The following ZC3HAV1 variants were observed in gnomAD, a reference collection of about 807,000 sequenced individuals.
ZC3HAV1 encodes zinc finger CCCH-type antiviral protein 1.
A neutral mutation model predicts 86.6 loss-of-function variants in ZC3HAV1; 41 were observed. That is an observed-to-expected ratio of 0.47 (90% confidence interval 0.37 to 0.61). The LOEUF (loss-of-function observed/expected upper bound fraction) is 0.61. Ranked by LOEUF, ZC3HAV1 falls within the 20% of genes least tolerant of loss-of-function variation. The probability of loss-of-function intolerance (pLI) is 0.00; values close to 1 mark genes in which losing one functional copy is unlikely to be tolerated. For synonymous variants in ZC3HAV1, 421 were observed against 432.1 expected (o/e 0.97, Z 0.32); for missense variants, 964 against 1,141.1 (o/e 0.84, Z 2.24).
intron 4 of ZC3HAV1, among the ~76,000 whole-genome samples, chr7:139,078,927 C>T (rs780821537): frequency 1.3e-5 from 2 of 152,220 alleles, no homozygotes; most frequent in Admixed American, 6.5e-5. Context: ...TGTGGTTCTA[C>T]TGGTTGGCCC....
At chr7:139,071,611 GCATA>G (rs1220635748) in intron 7 of ZC3HAV1, among the ~76,000 whole-genome samples, 1 of 152,148 alleles carries the variant, frequency 6.6e-6, no homozygotes, top group Non-Finnish European at 1.5e-5. Flanking sequence ...CTTGGCTTGA[GCATA>G]CAAAGAATCT....
Position 139,079,182 on chromosome 7 carries a change from C to T in ZC3HAV1, c.1471+288G>A, listed in dbSNP as rs554468344. On this transcript the variant is annotated intron_variant, in intron 4 of 12. Transcript: ENST00000242351. The stretch of plus-strand genomic sequence containing the variant: ...ACCTGGGTGCAGTTCTGCCCTTGGG[C>T]CCCCCAGACTGCAGCTCTGTTGCTT... 8.6e-5 allele frequency: 132 copies of T among 1,536,132 alleles called. 2 individuals are homozygous for T. In the African/African-American group the frequency reaches 1.6e-3, roughly 18 times the overall value.
At chr7:139,082,043 T>C (rs185334784) in intron 3 of ZC3HAV1, among the ~76,000 whole-genome samples, 1 of 152,118 alleles carries the variant, frequency 6.6e-6, no homozygotes, top group Admixed American at 6.5e-5. Context: ...GGTGGGTGGA[T>C]CACTTGAGGT....
Position 139,079,529 on chromosome 7 carries a change from T to A in ZC3HAV1, c.1412A>T (p.Asp471Val), listed in dbSNP as rs138786712. The A allele has an allele frequency of 1.2e-6, 2 of 1,614,218 alleles. No homozygotes were observed. The highest frequency in any genetic ancestry group is 3.3e-4 in the Middle Eastern group (2 of 6,062). The change falls in exon 4 of 13, where the codon GAT (aspartate) becomes GTT (valine). Residue 471 changes from aspartate to valine, a missense_variant. Coordinates refer to ENST00000242351, the MANE Select transcript of ZC3HAV1 (RefSeq NM_020119.4). Reference sequence around the variant, plus strand: ...TGCGATTCTGCCAGTGGCCTGGACATCTCGGGAAGCAGGTCCAGCATCCTG... The same window carrying A: ...TGCGATTCTGCCAGTGGCCTGGACAACTCGGGAAGCAGGTCCAGCATCCTG... Reference protein sequence around the residue: ...RIQDAGPASRDVQATGRIADD... With the variant: ...RIQDAGPASRVVQATGRIADD...
intron 8 of ZC3HAV1, among the ~76,000 whole-genome samples, chr7:139,062,754 G>C (rs566488674): frequency 6.6e-6 from 1 of 152,330 alleles, no homozygotes; most frequent in Admixed American, 6.5e-5. Context: ...AGGCGGACGG[G>C]TGCAGTGGCT....
In ZC3HAV1 at chr7:139,079,532, C is replaced by T. The variant is rs779627291; in HGVS notation, c.1409G>A (p.Arg470Gln). The T allele has an allele frequency of 1.9e-6, 3 of 1,614,030 alleles. No homozygotes were observed. Among genetic ancestry groups the T allele is most frequent in the African/African-American group, 1.3e-5 (1 of 74,908 alleles). The change falls in exon 4 of 13, where the codon CGA becomes CAA. Residue 470 changes from arginine (R) to glutamine (Q), a missense_variant. By Grantham distance (43) the Arg-to-Gln change is conservative. Transcript: ENST00000242351. ...PRIQDAGPAS[R>Q]DVQATGRIAD... is the part of the protein sequence containing the mutation. Reference sequence around the variant, plus strand: ...GATTCTGCCAGTGGCCTGGACATCTCGGGAAGCAGGTCCAGCATCCTGAAT... The same window carrying T: ...GATTCTGCCAGTGGCCTGGACATCTTGGGAAGCAGGTCCAGCATCCTGAAT...
chr7:139,093,259 A>G (rs887298699), intron 1 of ZC3HAV1, among the ~76,000 whole-genome samples: 1 of 152,162 alleles, frequency 6.6e-6, no homozygotes, highest in African/African-American at 2.4e-5. Context: ...CAGATCTGAA[A>G]CTTTTTCAAA....
rs1817024887 is a variant in ZC3HAV1 at position 139,078,566 on chromosome 7, C to A, written c.1559G>T (p.Gly520Val). Residue 520 changes from glycine to valine, a missense_variant, in exon 5 of 13, where the codon GGT (glycine) becomes GTT (valine). Coordinates refer to ENST00000242351, the MANE Select transcript of ZC3HAV1 (RefSeq NM_020119.4). ...EEICLDHLCKGCPLNGSCSKV... is the reference protein window; with the variant it reads ...EEICLDHLCKVCPLNGSCSKV... ...AGGTTACTCACCATTAAGCGGACAA[C>A]CCTTACACAGATGGTCAAGACAAAT... The A allele has an allele frequency of 1.3e-6, 2 of 1,594,736 alleles. No homozygotes were observed. Among genetic ancestry groups the A allele is most frequent in the African/African-American group, 2.7e-5 (2 of 73,558 alleles).
At chr7:139,062,319 A>G (rs1816465590) in intron 8 of ZC3HAV1, among the ~76,000 whole-genome samples, 1 of 152,128 alleles carries the variant, frequency 6.6e-6, no homozygotes, top group African/African-American at 2.4e-5. Context: ...TAAAATATCC[A>G]AGTTTCTATC....
intron 2 of ZC3HAV1, among the ~76,000 whole-genome samples, chr7:139,088,418 T>C (rs1347488783): frequency 1.3e-5 from 2 of 152,234 alleles, no homozygotes; most frequent in East Asian, 3.8e-4. Flanking sequence ...ATGTGCCATA[T>C]ACAATGTCCA....
In ZC3HAV1 at chr7:139,046,761, T is replaced by TA. The variant is rs1815966003; in HGVS notation, c.*832dup. 6.6e-6 allele frequency: 1 copy of TA among 152,270 alleles called. No individual in the cohort carries two copies. Among genetic ancestry groups the TA allele is most frequent in the African/African-American group, 2.4e-5 (1 of 41,458 alleles). The allele number at this position is 152,270 out of a possible 1,614,324, so 9.4% of individuals were successfully genotyped here. ...ACTTTTTTTTCCCCTAGCATGTCCT[T>TA]AAGCATTTTCTCCCCAGCTTTTCAC... On this transcript the variant is annotated 3_prime_UTR_variant, in exon 13 of 13. Transcript: ENST00000242351.
At chr7:139,087,850 G>A (rs971554695) in intron 2 of ZC3HAV1, among the ~76,000 whole-genome samples, 3 of 151,578 alleles carry the variant, frequency 2.0e-5, no homozygotes, top group African/African-American at 7.3e-5. Context: ...TCAACATAGT[G>A]AGACCCTGTC....
intron 1 of ZC3HAV1, among the ~76,000 whole-genome samples, chr7:139,092,425 A>G (rs532726201): frequency 1.3e-5 from 2 of 152,220 alleles, no homozygotes; most frequent in Non-Finnish European, 2.9e-5. Context: ...TGGGCATTAC[A>G]TAGCAACTTG....
chr7:139,094,530 T>C (rs947757367), intron 1 of ZC3HAV1, among the ~76,000 whole-genome samples: 3 of 151,118 alleles, frequency 2.0e-5, no homozygotes, highest in Non-Finnish European at 4.4e-5. Flanking sequence ...AAGACATCCT[T>C]GAAAGGAGCA....
intron 4 of ZC3HAV1, 185 bp downstream of exon 4, chr7:139,079,285 C>G: frequency 2.0e-6 from 3 of 1,537,258 alleles, no homozygotes; most frequent in Non-Finnish European, 2.6e-6. Flanking sequence ...TGGTGGGGAC[C>G]AGGTTCCTCA....
In ZC3HAV1 at chr7:139,078,589, A is replaced by G; in HGVS notation, c.1536T>C (p.Ile512=). 1 of 1,592,056 alleles carries G rather than the reference A, an allele frequency of 6.3e-7. No individual in the cohort carries two copies. The highest frequency in any genetic ancestry group is 8.5e-7 in the Non-Finnish European group (1 of 1,174,324). ...SRVDDHDSEE[I]CLDHLCKGCP... is the part of the protein sequence containing the mutation. Reference sequence around the variant, plus strand: ...AACCCTTACACAGATGGTCAAGACAAATTTCCTCTGAGTCATGATCATCCA... The same window carrying G: ...AACCCTTACACAGATGGTCAAGACAGATTTCCTCTGAGTCATGATCATCCA... The change falls in exon 5 of 13, where the codon ATT becomes ATC. Residue 512 remains isoleucine (I), a synonymous_variant. Coordinates refer to ENST00000242351, the MANE Select transcript of ZC3HAV1 (RefSeq NM_020119.4).
In ZC3HAV1 at chr7:139,074,078, T is replaced by C. The variant is rs754911598; in HGVS notation, c.1698-48A>G. On this transcript the variant is annotated intron_variant, in intron 6 of 12. Transcript: ENST00000242351. Reference sequence around the variant, plus strand: ...TAACATAATGCTTCATTGACCCCTGTTTTCTACAATCTCGTCTTCCCTAAT... The same window carrying C: ...TAACATAATGCTTCATTGACCCCTGCTTTCTACAATCTCGTCTTCCCTAAT... 3 of 1,552,038 alleles carry C rather than the reference T, an allele frequency of 1.9e-6. No homozygotes were observed. The South Asian group carries it at 3.5e-5, about 18-fold the overall frequency.
At chr7:139,084,485 G>A (rs960730170) in intron 2 of ZC3HAV1, among the ~76,000 whole-genome samples, 10 of 152,236 alleles carry the variant, frequency 6.6e-5, no homozygotes, top group Non-Finnish European at 1.0e-4. Context: ...GATAAGTTTT[G>A]TATTTCCATC....
Position 139,089,101 on chromosome 7 carries a change from CAAAAAAAAAA to C in ZC3HAV1, c.444+513_444+522del, listed in dbSNP as rs1195760878. On this transcript the variant is annotated intron_variant, in intron 2 of 12. Coordinates refer to ENST00000242351, the MANE Select transcript of ZC3HAV1 (RefSeq NM_020119.4). ...TGCGCAACACAGCGAGACTCCATCT[CAAAAAAAAAA>C]AAAAAAAAAAAAAAAAAAGGGTGGC... Among the ~76,000 whole-genome samples the C allele has an allele frequency of 7.3e-4, 15 of 20,688 alleles. No homozygotes were observed. In the South Asian group the frequency reaches 0.038, roughly 52 times the overall value. 13.6% of individuals were successfully genotyped at this position (20,688 alleles called of 152,430 possible).
Sources: allele counts gnomAD v4.1 joint callset (sites outside exome capture counted in the v4.1 genomes callset), GRCh38; gene constraint gnomAD v4.1.1; transcripts MANE v1.5; gene names NCBI Gene and HGNC (gene_info 2026-07-23, HGNC 2026-07-21).